The following LHX4 variants were observed in gnomAD, a reference collection of about 807,000 sequenced individuals.
The protein encoded by LHX4 is LIM/homeobox protein Lhx4.
A neutral mutation model predicts 39.2 loss-of-function variants in LHX4; 16 were observed. The ratio of observed to expected loss-of-function variants is 0.41; its 90% CI spans 0.28 to 0.62. LHX4 has a LOEUF of 0.62. LHX4 is among the 20% of genes least tolerant of loss of function. LHX4 has a pLI of 0.33. For synonymous variants in LHX4, 206 were observed against 198.1 expected (o/e 1.04, Z -0.33); for missense variants, 439 against 511.9 (o/e 0.86, Z 1.37).
chr1:180,274,078 C>A, intron 5 of LHX4, 107 bp from the exon 6 acceptor site: 1 of 1,415,844 alleles, frequency 7.1e-7, no homozygotes. Context: ...AAGGCAGCTG[C>A]CATCCTTGGG....
chr1:180,259,896 G>A (rs1193877557), intron 2 of LHX4, among the ~76,000 whole-genome samples: 2 of 151,678 alleles, frequency 1.3e-5, no homozygotes, highest in African/African-American at 4.9e-5. Flanking sequence ...GGTTGGAAGT[G>A]ACCCCTGGAG....
rs1048636384 is a variant in LHX4 at position 180,276,816 on chromosome 1, G to A, written c.*2237G>A. Reference sequence around the variant, plus strand: ...AGTTTTTGGTGAGTATAGTGTGGGGGAGAGCAGGCTTTTTAAAAGGGGGGG... The same window carrying A: ...AGTTTTTGGTGAGTATAGTGTGGGGAAGAGCAGGCTTTTTAAAAGGGGGGG... On this transcript the variant is annotated 3_prime_UTR_variant, in exon 6 of 6. Coordinates refer to ENST00000263726, the MANE Select transcript of LHX4 (RefSeq NM_033343.4). 1 of 89,912 alleles carries A rather than the reference G, an allele frequency of 1.1e-5. No homozygotes were observed. Among genetic ancestry groups the A allele is most frequent in the South Asian group, 4.8e-4 (1 of 2,064 alleles). 5.6% of individuals were successfully genotyped at this position (89,912 alleles called of 1,614,324 possible).
At position 180,234,204 on chromosome 1, in the gene LHX4, TATATATATATATATATA is replaced by T. The variant is rs1664255967; in HGVS notation, c.76+3603_76+3619del. 9.1e-5 allele frequency among the ~76,000 whole-genome samples: 6 copies of T among 66,244 alleles called. No homozygotes were observed. Among genetic ancestry groups the T allele is most frequent in the African/African-American group, 4.3e-4 (6 of 14,062 alleles). The allele number at this position is 66,244 out of a possible 152,430, so 43.5% of individuals were successfully genotyped here. ...ATATATATATATATATATATATATA[TATATATATATATATATA>T]ATAGATTGAGATTCTATCATATTCC... On this transcript the variant is annotated intron_variant, in intron 1 of 5. Transcript: ENST00000263726. The surrounding 1 kb of genome is among the most constrained non-coding windows in gnomAD (Gnocchi z 4.8).
intron 3 of LHX4, among the ~76,000 whole-genome samples, chr1:180,267,831 T>C (rs745544025): frequency 7.9e-5 from 12 of 152,192 alleles, no homozygotes; most frequent in Non-Finnish European, 1.5e-4. Context: ...TTGAACACAG[T>C]ATAAAATAAG....
intron 2 of LHX4, among the ~76,000 whole-genome samples, chr1:180,252,256 G>A (rs1305307865): frequency 6.6e-6 from 1 of 152,168 alleles, no homozygotes; most frequent in Non-Finnish European, 1.5e-5. Context: ...CCGTGCTGGG[G>A]CAGGAGGGGG....
At chr1:180,237,980 T>C (rs1664363633) in intron 1 of LHX4, among the ~76,000 whole-genome samples, 1 of 152,250 alleles carries the variant, frequency 6.6e-6, no homozygotes, top group Non-Finnish European at 1.5e-5. Flanking sequence ...TTGCTTAATG[T>C]AATTTTCTGT....
intron 1 of LHX4, among the ~76,000 whole-genome samples, chr1:180,238,430 T>C (rs1451457316): frequency 1.3e-5 from 2 of 152,200 alleles, no homozygotes; most frequent in Non-Finnish European, 2.9e-5. Flanking sequence ...AGAAATTAGA[T>C]AAAAAGACGT....
intron 1 of LHX4, among the ~76,000 whole-genome samples, chr1:180,242,953 G>A (rs1664474379): frequency 6.6e-6 from 1 of 152,160 alleles, no homozygotes; most frequent in African/African-American, 2.4e-5. Context: ...GCTTATTGGG[G>A]ATTTGGAAAT....
chr1:180,261,895 A>G (rs1648127998), intron 2 of LHX4, among the ~76,000 whole-genome samples: 1 of 152,220 alleles, frequency 6.6e-6, no homozygotes, highest in African/African-American at 2.4e-5. Context: ...GTCCTTCGGG[A>G]AGAAAACAAT....
intron 1 of LHX4, among the ~76,000 whole-genome samples, chr1:180,245,078 C>G (rs6673375): frequency 0.43 from 65,804 of 152,070 alleles, 14,587 homozygotes; most frequent in Non-Finnish European, 0.47. Flanking sequence ...CCTGAGCTGG[C>G]AGGGCTTCCT....
intron 1 of LHX4, among the ~76,000 whole-genome samples, chr1:180,231,297 T>C (rs985814502): frequency 1.3e-5 from 2 of 151,742 alleles, no homozygotes; most frequent in African/African-American, 4.8e-5. Flanking sequence ...GGGCAGGTGC[T>C]CAGGGTGGCT....
chr1:180,272,707 A>G (rs983497635), intron 5 of LHX4: 1 of 152,280 alleles, frequency 6.6e-6, no homozygotes, highest in Non-Finnish European at 1.5e-5. Flanking sequence ...GGAGGGGGAA[A>G]GGGAAGAGTA....
chr1:180,255,720 G>A (rs935889376), intron 2 of LHX4, among the ~76,000 whole-genome samples: 1 of 152,266 alleles, frequency 6.6e-6, no homozygotes, highest in African/African-American at 2.4e-5. Flanking sequence ...ATGAGTCGGA[G>A]GAGGATTGTC....
intron 2 of LHX4, among the ~76,000 whole-genome samples, chr1:180,259,241 C>T (rs1187158742): frequency 1.3e-5 from 2 of 152,054 alleles, no homozygotes; most frequent in African/African-American, 4.8e-5. Context: ...TGGGCTGCAG[C>T]ACAGCTCTGG....
intron 2 of LHX4, among the ~76,000 whole-genome samples, chr1:180,260,813 GT>G (rs1321833780): frequency 2.6e-5 from 4 of 151,852 alleles, no homozygotes; most frequent in Non-Finnish European, 4.4e-5. Context: ...CCAAGGCCGG[GT>G]TTGCTGCCCT....
intron 2 of LHX4, among the ~76,000 whole-genome samples, chr1:180,258,171 G>A (rs1019644860): frequency 5.3e-5 from 8 of 152,188 alleles, no homozygotes; most frequent in African/African-American, 1.9e-4. Flanking sequence ...AGTGCACAGC[G>A]CATCTACTGA....
At chr1:180,264,859 C>A (rs6425618) in intron 2 of LHX4, among the ~76,000 whole-genome samples, 1 of 152,026 alleles carries the variant, frequency 6.6e-6, no homozygotes. Context: ...CCCTCACACC[C>A]CAACACCCTT....
chr1:180,233,687 C>A (rs918276611), intron 1 of LHX4, among the ~76,000 whole-genome samples: 3 of 152,084 alleles, frequency 2.0e-5, no homozygotes, highest in African/African-American at 7.2e-5. Context: ...CCCCAGGCAC[C>A]GAGGGAAAGG....
intron 5 of LHX4, 45 bp from the exon 6 acceptor site, chr1:180,274,140 A>G (rs1310149463): frequency 4.3e-6 from 7 of 1,612,652 alleles, no homozygotes; most frequent in East Asian, 4.5e-5. Context: ...GGGGACCATC[A>G]GAGTCCTGGC....
Sources: allele counts gnomAD v4.1 joint callset (sites outside exome capture counted in the v4.1 genomes callset), GRCh38; gene constraint gnomAD v4.1.1; non-coding constraint Gnocchi (gnomAD v3.1); transcripts MANE v1.5; gene names NCBI Gene and HGNC (gene_info 2026-07-23, HGNC 2026-07-21).